LRP1B: variants seen among roughly 807,000 people sequenced by gnomAD.
The protein encoded by LRP1B is LDL receptor related protein 1B.
Under a neutral mutation model 556.6 loss-of-function variants are expected in LRP1B, and 217 were observed. The ratio of observed to expected loss-of-function variants is 0.39; its 90% CI spans 0.35 to 0.44. The LOEUF (loss-of-function observed/expected upper bound fraction) is 0.44, where lower values mean the gene tolerates loss of function less well. LRP1B is among the 20% of genes least tolerant of loss of function. The probability of loss-of-function intolerance (pLI) is 1.00; values close to 1 mark genes in which losing one functional copy is unlikely to be tolerated. For missense variants in LRP1B, 5,053 were observed against 5,620.8 expected, an observed-to-expected ratio of 0.90 and a Z score of 3.23; for synonymous variants, 2,047 against 1,865.8, an observed-to-expected ratio of 1.10 and a Z score of -2.50.
At chr2:141,598,392 GTTGA>G (rs1024683958) in intron 2 of LRP1B, among the ~76,000 whole-genome samples, 3 of 152,044 alleles carry the variant, frequency 2.0e-5, no homozygotes, top group African/African-American at 7.2e-5. Flanking sequence ...GTAAAAATAG[GTTGA>G]TTATTTTAGA....
chr2:141,486,401 CTG>C (rs1345778782), intron 2 of LRP1B, among the ~76,000 whole-genome samples: 1 of 151,776 alleles, frequency 6.6e-6, no homozygotes, highest in African/African-American at 2.4e-5. Flanking sequence ...AAATATTTTA[CTG>C]TGTACATTAA....
intron 2 of LRP1B, among the ~76,000 whole-genome samples, chr2:141,645,251 G>A (rs1201999329): frequency 1.3e-5 from 2 of 152,016 alleles, no homozygotes; most frequent in African/African-American, 4.8e-5. Flanking sequence ...TTATTGTTGG[G>A]AATGGAGAAA....
chr2:141,220,006 G>C (rs1265748419), intron 6 of LRP1B, among the ~76,000 whole-genome samples: 1 of 152,006 alleles, frequency 6.6e-6, no homozygotes, highest in Non-Finnish European at 1.5e-5. Context: ...AACTCAAAAA[G>C]CCAGAGTGCC....
Position 140,357,898 on chromosome 2 carries a change from C to T in LRP1B, c.11395+81G>A, listed in dbSNP as rs1309520110. On this transcript the variant is annotated intron_variant, in intron 74 of 90. Coordinates refer to ENST00000389484, the MANE Select transcript of LRP1B (RefSeq NM_018557.3). ...AGCATACTTTGAAGAGCAATATTTC[C>T]ATCCAGAACATTTTAGTCATGTACA... 8 of 1,486,208 alleles carry T rather than the reference C, an allele frequency of 5.4e-6. No homozygotes were observed. The Admixed American group carries it at 1.1e-4, about 21-fold the overall frequency. 92.1% of individuals were successfully genotyped at this position (1,486,208 alleles called of 1,614,324 possible). A position where few individuals can be genotyped will look rare whatever the true frequency, so the allele number is the denominator to read the frequency against.
chr2:140,385,791 T>C (rs1244438733), intron 67 of LRP1B, 102 bp downstream of exon 67: 2 of 774,360 alleles, frequency 2.6e-6, no homozygotes, highest in South Asian at 1.5e-5. Flanking sequence ...ATGTGAGCCA[T>C]AAGACAGGTT....
At chr2:140,334,954 GAAGT>G in intron 78 of LRP1B, among the ~76,000 whole-genome samples, 1 of 151,926 alleles carries the variant, frequency 6.6e-6, no homozygotes, top group South Asian at 2.1e-4. Context: ...TTTTTATAGA[GAAGT>G]AACTATTTTC....
At chr2:141,881,635 G>T (rs984229961) in intron 1 of LRP1B, among the ~76,000 whole-genome samples, 1 of 151,764 alleles carries the variant, frequency 6.6e-6, no homozygotes, top group Non-Finnish European at 1.5e-5. Context: ...TTGATAAGAT[G>T]TAAAATTTTA....
At chr2:141,473,766 A>C (rs1378400473) in intron 3 of LRP1B, among the ~76,000 whole-genome samples, 1 of 152,092 alleles carries the variant, frequency 6.6e-6, no homozygotes, top group Non-Finnish European at 1.5e-5. Context: ...CTGTGCTTTA[A>C]GCTCAGTGTT....
At chr2:140,695,198 T>C (rs1178424074) in intron 41 of LRP1B, among the ~76,000 whole-genome samples, 2 of 151,280 alleles carry the variant, frequency 1.3e-5, no homozygotes, top group African/African-American at 4.8e-5. Context: ...TACTGGGTGG[T>C]TTTAGAGTGG....
In LRP1B at chr2:141,991,062, T is replaced by C. The variant is rs72988331; in HGVS notation, c.82+139586A>G. Among the ~76,000 whole-genome samples, 889 of 152,214 alleles carry C rather than the reference T, an allele frequency of 5.8e-3. 12 individuals are homozygous for C. The highest frequency in any genetic ancestry group is 0.02 in the African/African-American group (840 of 41,584). On this transcript the variant is annotated intron_variant, in intron 1 of 90. Coordinates refer to ENST00000389484, the MANE Select transcript of LRP1B (RefSeq NM_018557.3). ...TTCTAGATGGTTCATCATATCATAC[T>C]GAAGGCTACAAATTATTTGTTCATT... is the stretch of plus-strand genomic sequence containing the variant.
At chr2:141,245,657 T>G (rs1009888598) in intron 5 of LRP1B, among the ~76,000 whole-genome samples, 1 of 152,212 alleles carries the variant, frequency 6.6e-6, no homozygotes, top group African/African-American at 2.4e-5. Context: ...TAGCATTATC[T>G]TATTGTGACT....
chr2:140,888,097 T>G lies in LRP1B; in HGVS notation c.3767-1762A>C, dbSNP rs1480306246. ...AGAACTTGTAAAGGGCATAAAACTG[T>G]ACAAATACTACCTTTAGCTCACTGT... On this transcript the variant is annotated intron_variant, in intron 23 of 90. Transcript: ENST00000389484. Among the ~76,000 whole-genome samples the G allele has an allele frequency of 2.6e-5, 4 of 152,282 alleles. No individual in the cohort carries two copies. In the East Asian group the frequency reaches 7.7e-4, roughly 29 times the overall value.
At chr2:141,806,865 T>C (rs1025818584) in intron 2 of LRP1B, among the ~76,000 whole-genome samples, 5 of 152,106 alleles carry the variant, frequency 3.3e-5, no homozygotes, top group Non-Finnish European at 7.4e-5. Context: ...GATTTCACAA[T>C]GTCACAATAA....
chr2:141,150,661 A>C (rs1053634034), intron 7 of LRP1B, among the ~76,000 whole-genome samples: 1 of 152,180 alleles, frequency 6.6e-6, no homozygotes, highest in Admixed American at 6.5e-5. Flanking sequence ...GAATTATTTC[A>C]CGTCCAAAAT....
chr2:141,446,760 G>C (rs1407909552), intron 3 of LRP1B, among the ~76,000 whole-genome samples: 4 of 152,062 alleles, frequency 2.6e-5, no homozygotes, highest in Non-Finnish European at 4.4e-5. Flanking sequence ...TGGTTTGCAG[G>C]GTTTCTGCGG....
chr2:140,630,237 T>C (rs1470621001), intron 41 of LRP1B, among the ~76,000 whole-genome samples: 1 of 152,140 alleles, frequency 6.6e-6, no homozygotes, highest in Middle Eastern at 3.2e-3. Context: ...GAGATTCTGG[T>C]GCATGATAAA....
At chr2:140,440,082 C>A (rs567108007) in intron 66 of LRP1B, among the ~76,000 whole-genome samples, 1 of 151,914 alleles carries the variant, frequency 6.6e-6, no homozygotes, top group Non-Finnish European at 1.5e-5. Context: ...CTACAATGTT[C>A]GGACTTTAGA....
intron 25 of LRP1B, among the ~76,000 whole-genome samples, chr2:140,873,811 AG>A: frequency 6.6e-6 from 1 of 152,088 alleles, no homozygotes; most frequent in South Asian, 2.1e-4. Context: ...TTTCAAAAAA[AG>A]TATGTCCTTT....
rs141829036 is a variant in LRP1B, at chr2:141,174,839, A to G, written c.1013+13582T>C. ...ACAGGAAGATGTGGGAAAGACTGGA[A>G]CTTCCTAGAGACTTATTGAATGGTT... On this transcript the variant is annotated intron_variant, in intron 7 of 90. Coordinates refer to ENST00000389484, the MANE Select transcript of LRP1B (RefSeq NM_018557.3). Among the ~76,000 whole-genome samples the G allele has an allele frequency of 2.0e-5, 3 of 152,200 alleles. No individual in the cohort carries two copies. In the East Asian group the frequency reaches 5.8e-4, roughly 30 times the overall value.
Sources: gnomAD v4.1 joint callset for allele counts (sites outside exome capture counted in the v4.1 genomes callset) on GRCh38, gnomAD v4.1.1 for gene constraint, MANE v1.5 for transcripts, NCBI Gene and HGNC (gene_info 2026-07-23, HGNC 2026-07-21) for gene names.